The following TRIM2 variants were observed in gnomAD, a reference collection of about 807,000 sequenced individuals.
The protein encoded by TRIM2 is tripartite motif containing 2, also known as tripartite motif-containing protein 2.
In TRIM2, 20 loss-of-function variants were observed where a neutral mutation model predicts 75.2. That is an observed-to-expected ratio of 0.27 (90% CI 0.19 to 0.39). The LOEUF is 0.39. Among genes scored for constraint, TRIM2 ranks in the 10% least tolerant of loss-of-function variants. TRIM2 has a pLI of 1.00. For synonymous variants in TRIM2, 373 were observed against 388.3 expected (o/e 0.96, Z 0.46); for missense variants, 660 against 990.8 (o/e 0.67, Z 4.48).
intron 1 of TRIM2, among the ~76,000 whole-genome samples, chr4:153,192,126 A>AC (rs1733255291): frequency 6.6e-6 from 1 of 151,676 alleles, no homozygotes; most frequent in Non-Finnish European, 1.5e-5. Context: ...ACAATTCCTC[A>AC]CCCCACACCC....
intron 1 of TRIM2, among the ~76,000 whole-genome samples, chr4:153,187,017 C>A (rs1197886980): frequency 1.3e-5 from 2 of 152,140 alleles, no homozygotes; most frequent in East Asian, 3.8e-4. Flanking sequence ...TTCAAATCAT[C>A]CTTGTAAAGC....
upstream of TRIM2, among the ~76,000 whole-genome samples, chr4:153,203,800 G>A (rs1312915126): frequency 6.6e-6 from 1 of 152,094 alleles, no homozygotes; most frequent in African/African-American, 2.4e-5. Flanking sequence ...GCTGAGGCAG[G>A]AGAATCACTT....
chr4:153,244,173 TCTTCTTCTC>T (rs1747599919), intron 1 of TRIM2, among the ~76,000 whole-genome samples: 1 of 139,978 alleles, frequency 7.1e-6, no homozygotes, highest in African/African-American at 3.1e-5. Flanking sequence ...TTCTTCTTCT[TCTTCTTCTC>T]CTCCTTCTTC....
chr4:153,294,193 T>A, intron 4 of TRIM2, 112 bp from the exon 5 acceptor site: 1 of 1,084,520 alleles, frequency 9.2e-7, no homozygotes. Flanking sequence ...TATTGTTTTT[T>A]TAAAGATGAT....
chr4:153,334,740 A>G, intron 11 of TRIM2, 74 bp from the exon 12 acceptor site: 2 of 1,326,408 alleles, frequency 1.5e-6, no homozygotes, highest in Middle Eastern at 1.9e-4. Flanking sequence ...ATTAGCATCA[A>G]GAGTTTTCTA....
chr4:153,199,054 G>T (rs1456287023), intron 1 of TRIM2, among the ~76,000 whole-genome samples: 1 of 152,142 alleles, frequency 6.6e-6, no homozygotes, highest in Non-Finnish European at 1.5e-5. Flanking sequence ...TAATCATTTT[G>T]TTTATTATTT....
In TRIM2 at chr4:153,281,506, C is replaced by T. The variant is rs543634483; in HGVS notation, c.453+5376C>T. The stretch of plus-strand genomic sequence containing the variant: ...GCTGCTGTTTTGAAACAGAAGTCTT[C>T]ATTGCATATTCAAGCCAAATTCATG... On this transcript the variant is annotated intron_variant, in intron 3 of 11. Transcript: ENST00000338700. 6.6e-5 allele frequency among the ~76,000 whole-genome samples: 10 copies of T among 152,322 alleles called. No homozygotes were observed. In the South Asian group the frequency reaches 2.1e-3, roughly 32 times the overall value.
intron 11 of TRIM2, 53 bp downstream of exon 11, chr4:153,328,723 T>G (rs1295329901): frequency 5.4e-6 from 8 of 1,492,096 alleles, no homozygotes; most frequent in Non-Finnish European, 1.8e-6. Flanking sequence ...TTGTTAAAAG[T>G]GAAGAATTTG....
chr4:153,214,190 AC>A (rs1474377876), intron 1 of TRIM2, among the ~76,000 whole-genome samples: 1 of 152,220 alleles, frequency 6.6e-6, no homozygotes, highest in African/African-American at 2.4e-5. Flanking sequence ...TTTCAATAAC[AC>A]TGATTGATCA....
At chr4:153,202,979 T>C (rs982140062), upstream of TRIM2, among the ~76,000 whole-genome samples, 3 of 149,282 alleles carry the variant, frequency 2.0e-5, no homozygotes, top group African/African-American at 7.4e-5. Context: ...GTGGTGCGCA[T>C]CTGTAGTCCC....
At chr4:153,283,409 T>G (rs1456468216) in intron 3 of TRIM2, among the ~76,000 whole-genome samples, 1 of 152,220 alleles carries the variant, frequency 6.6e-6, no homozygotes, top group African/African-American at 2.4e-5. Flanking sequence ...GGCTAAATAA[T>G]ATTCCATTAT....
chr4:153,273,270 C>CAT (rs1757187818), intron 2 of TRIM2, among the ~76,000 whole-genome samples: 3 of 57,386 alleles, frequency 5.2e-5, no homozygotes, highest in African/African-American at 2.1e-4. Context: ...TACAGTCACT[C>CAT]TTTTTTTTTT....
intron 6 of TRIM2, among the ~76,000 whole-genome samples, chr4:153,297,197 A>T (rs1167104969): frequency 6.6e-6 from 1 of 152,126 alleles, no homozygotes; most frequent in East Asian, 1.9e-4. Context: ...CTTCGCAAAG[A>T]CGGTGATATG....
chr4:153,324,784 C>T (rs1769793796), intron 10 of TRIM2, among the ~76,000 whole-genome samples: 1 of 152,094 alleles, frequency 6.6e-6, no homozygotes, highest in South Asian at 2.1e-4. Flanking sequence ...TAGTAATATC[C>T]TAGATCAGGC....
chr4:153,168,808 G>C (rs1277820837), intron 1 of TRIM2, among the ~76,000 whole-genome samples: 1 of 152,248 alleles, frequency 6.6e-6, no homozygotes, highest in East Asian at 1.9e-4. Context: ...GTTCTCTAAG[G>C]CTGGGTGTAT....
chr4:153,314,883 A>ATT (rs1767255169), intron 6 of TRIM2, among the ~76,000 whole-genome samples: 1 of 152,154 alleles, frequency 6.6e-6, no homozygotes, highest in Non-Finnish European at 1.5e-5. Context: ...AGAGGGTAGA[A>ATT]TTTTGGCAAA....
intron 1 of TRIM2, among the ~76,000 whole-genome samples, chr4:153,244,144 G>GTTCTTCTTC (rs766874717): frequency 0.041 from 5,284 of 130,144 alleles, 239 homozygotes; most frequent in Middle Eastern, 0.069. Context: ...TCTTCTTCTT[G>GTTCTTCTTC]TTCTTCTTGT....
At chr4:153,152,441 T>C (rs560249360), upstream of TRIM2, 1 of 149,172 alleles carries the variant, frequency 6.7e-6, no homozygotes, top group African/African-American at 2.5e-5. Context: ...CACACATATA[T>C]ATATGTTATA....
Position 153,270,496 on chromosome 4 carries a change from C to G in TRIM2, c.192C>G (p.Pro64=), listed in dbSNP as rs1489647144. The part of the protein sequence containing the change: ...LERYKNPKVL[P]CLHTFCERCL... ...GGTACAAGAATCCCAAGGTTCTCCC[C>G]TGTCTGCACACTTTCTGCGAGAGGT... The change falls in exon 2 of 12, where the codon CCC becomes CCG. Residue 64 remains proline, a synonymous_variant. Coordinates refer to ENST00000338700, the MANE Select transcript of TRIM2 (RefSeq NM_015271.5). 1 of 1,611,066 alleles carries G rather than the reference C, an allele frequency of 6.2e-7. No individual in the cohort carries two copies. The highest frequency in any genetic ancestry group is 2.2e-5 in the East Asian group (1 of 44,710).
Sources: allele counts gnomAD v4.1 joint callset (sites outside exome capture counted in the v4.1 genomes callset), GRCh38; gene constraint gnomAD v4.1.1; transcripts MANE v1.5; gene names NCBI Gene and HGNC (gene_info 2026-07-23, HGNC 2026-07-21).